The following FOXP1 variants were observed in gnomAD, a reference collection of about 807,000 sequenced individuals.
FOXP1 encodes forkhead box protein P1.
FOXP1 carries 15 observed loss-of-function variants against 98.2 expected under a neutral mutation model. The ratio of observed to expected loss-of-function variants is 0.15; its 90% confidence interval spans 0.10 to 0.24. The LOEUF is 0.24. Among genes scored for constraint, FOXP1 ranks in the 10% least tolerant of loss-of-function variants. FOXP1 has a pLI of 1.00. For missense variants in FOXP1, 633 were observed against 848.5 expected (o/e 0.75, Z 3.15); for synonymous variants, 371 against 314.5 (o/e 1.18, Z -1.90).
chr3:71,459,319 A>G (rs80198777), intron 3 of FOXP1, among the ~76,000 whole-genome samples: 2,873 of 152,334 alleles, frequency 0.019, 90 homozygotes, highest in African/African-American at 0.065. Context: ...GAAAGATAAC[A>G]TATTGTCCTG....
At chr3:71,488,311 A>G (rs773685086) in intron 3 of FOXP1, among the ~76,000 whole-genome samples, 3 of 152,204 alleles carry the variant, frequency 2.0e-5, no homozygotes, top group Non-Finnish European at 4.4e-5. Flanking sequence ...TAATTGACAA[A>G]TGGAATAATT....
At chr3:71,529,186 T>C (rs1318157208) in intron 2 of FOXP1, among the ~76,000 whole-genome samples, 1 of 152,242 alleles carries the variant, frequency 6.6e-6, no homozygotes, top group African/African-American at 2.4e-5. Flanking sequence ...TTCCTGCTGA[T>C]GTGACTTGAC....
At chr3:71,528,179 T>G (rs1386252373) in intron 2 of FOXP1, among the ~76,000 whole-genome samples, 1 of 152,130 alleles carries the variant, frequency 6.6e-6, no homozygotes, top group Non-Finnish European at 1.5e-5. Flanking sequence ...TGCTTACACC[T>G]CCCGGCATTT....
chr3:71,528,054 G>GT (rs1239704962), intron 2 of FOXP1, among the ~76,000 whole-genome samples: 1 of 152,222 alleles, frequency 6.6e-6, no homozygotes, highest in East Asian at 1.9e-4. Context: ...GAGACTTTGT[G>GT]TATAGATGGT....
chr3:70,979,279 CAAAAAAAAAAAA>C lies in FOXP1; in HGVS notation c.1147-1262_1147-1251del, dbSNP rs544916383. ...TGGGTGATAGAGTGAGACTCTACCT[CAAAAAAAAAAAA>C]AAAAAAAAAAAAAAAAAAAAAAAAA... On this transcript the variant is annotated intron_variant, in intron 14 of 20. Transcript: ENST00000649528. 1.2e-3 allele frequency among the ~76,000 whole-genome samples: 51 copies of C among 42,554 alleles called. No individual in the cohort carries two copies. The East Asian group carries it at 0.019, about 16-fold the overall frequency. 27.9% of individuals were successfully genotyped at this position (42,554 alleles called of 152,430 possible).
At chr3:71,212,307 T>TA (rs1471822100) in intron 5 of FOXP1, among the ~76,000 whole-genome samples, 4 of 152,136 alleles carry the variant, frequency 2.6e-5, no homozygotes, top group Admixed American at 1.3e-4. Context: ...ACAGGAGACT[T>TA]AAGAGACCCT....
intron 5 of FOXP1, among the ~76,000 whole-genome samples, chr3:71,230,152 A>G (rs1177210313): frequency 6.6e-6 from 1 of 152,172 alleles, no homozygotes; most frequent in Non-Finnish European, 1.5e-5. Context: ...GAAAAAGACA[A>G]AACAAAACCT....
At chr3:71,414,376 G>C (rs1457284663) in intron 3 of FOXP1, among the ~76,000 whole-genome samples, 9 of 152,152 alleles carry the variant, frequency 5.9e-5, no homozygotes, top group Admixed American at 4.6e-4. Flanking sequence ...CATCCACCTG[G>C]GCCTCAGCCT....
intron 6 of FOXP1, among the ~76,000 whole-genome samples, chr3:71,125,605 T>TA (rs1196390514): frequency 3.3e-5 from 5 of 152,238 alleles, no homozygotes. Flanking sequence ...GGTCATCTGA[T>TA]ACACAGTTGT....
Position 71,189,250 on chromosome 3 carries a change from C to A in FOXP1, c.180+8952G>T, listed in dbSNP as rs191967349. On this transcript the variant is annotated intron_variant, in intron 6 of 20. Transcript: ENST00000649528. ...ATAAGAAGCTTGTGTCAATATGGAA[C>A]AAAGACTTTATCAAAGATCTAACTT... 1.1e-4 allele frequency among the ~76,000 whole-genome samples: 17 copies of A among 152,298 alleles called. No individual in the cohort carries two copies. The East Asian group carries it at 3.3e-3, about 29-fold the overall frequency.
intron 3 of FOXP1, among the ~76,000 whole-genome samples, chr3:71,394,732 G>A (rs1011935356): frequency 5.9e-5 from 9 of 152,236 alleles, no homozygotes; most frequent in Middle Eastern, 3.4e-3. Flanking sequence ...TAAATGGCTC[G>A]TCCCAAAACT....
chr3:71,193,034 A>C (rs2063085045), intron 6 of FOXP1, among the ~76,000 whole-genome samples: 1 of 152,130 alleles, frequency 6.6e-6, no homozygotes, highest in Non-Finnish European at 1.5e-5. Context: ...TGGTCCCTCA[A>C]ATACCATTTC....
At chr3:71,238,795 C>G (rs571631577) in intron 5 of FOXP1, among the ~76,000 whole-genome samples, 5 of 152,194 alleles carry the variant, frequency 3.3e-5, no homozygotes, top group Non-Finnish European at 4.4e-5. Context: ...CAAGCACTTA[C>G]AAGTGGCTCC....
intron 4 of FOXP1, among the ~76,000 whole-genome samples, chr3:71,315,079 T>TAAAAAAAAAAAAAAAAA (rs11355298): frequency 3.5e-4 from 25 of 70,672 alleles, no homozygotes; most frequent in African/African-American, 1.3e-3. Context: ...CTGGTCCATG[T>TAAAAAAAAAAAAAAAAA]AAAAAAAAAA....
chr3:70,986,911 T>C (rs934160761), intron 14 of FOXP1, among the ~76,000 whole-genome samples: 4 of 152,218 alleles, frequency 2.6e-5, no homozygotes, highest in Non-Finnish European at 5.9e-5. Flanking sequence ...GGGTTAATAG[T>C]CTGACTCCGT....
intron 6 of FOXP1, among the ~76,000 whole-genome samples, chr3:71,114,921 T>C (rs192466238): frequency 6.6e-6 from 1 of 152,310 alleles, no homozygotes; most frequent in African/African-American, 2.4e-5. Flanking sequence ...ATTTCATTTA[T>C]ATCATATAAG....
At chr3:71,244,887 T>C (rs2067596575) in intron 5 of FOXP1, 1 of 148,330 alleles carries the variant, frequency 6.7e-6, no homozygotes, top group Non-Finnish European at 1.5e-5. Context: ...CCAGGAAACA[T>C]AACTCATGAG....
intron 6 of FOXP1, chr3:71,130,860 T>A: frequency 7.0e-7 from 1 of 1,426,392 alleles, no homozygotes; most frequent in East Asian, 2.5e-5. Context: ...AGAAATCTAT[T>A]AATGCCACAC....
intron 5 of FOXP1, among the ~76,000 whole-genome samples, chr3:71,210,323 T>C (rs1052418943): frequency 1.3e-5 from 2 of 152,216 alleles, no homozygotes; most frequent in African/African-American, 4.8e-5. Context: ...TTTCATGTTT[T>C]TGTTTTGTTG....
Sources: gnomAD v4.1 joint callset for allele counts (sites outside exome capture counted in the v4.1 genomes callset) on GRCh38, gnomAD v4.1.1 for gene constraint, MANE v1.5 for transcripts, NCBI Gene and HGNC (gene_info 2026-07-23, HGNC 2026-07-21) for gene names.